ANKRD44: variants seen among roughly 807,000 people sequenced by gnomAD.
ANKRD44 encodes the protein serine/threonine-protein phosphatase 6 regulatory ankyrin repeat subunit B.
A neutral mutation model predicts 116.0 loss-of-function variants in ANKRD44; 35 were observed. The observed-to-expected ratio is 0.30, with a 90% confidence interval of 0.23 to 0.40. The LOEUF (loss-of-function observed/expected upper bound fraction) is 0.40, where lower values mean the gene tolerates loss of function less well. ANKRD44 is among the 10% of genes least tolerant of loss of function. The pLI, the probability that ANKRD44 is intolerant of heterozygous loss-of-function variation, is 1.00. For synonymous variants in ANKRD44, 435 were observed against 461.8 expected, an observed-to-expected ratio of 0.94 and a Z score of 0.74; for missense variants, 1,014 against 1,242.6, an observed-to-expected ratio of 0.82 and a Z score of 2.77.
At chr2:197,112,736 GA>G (rs202097693) in intron 8 of ANKRD44, among the ~76,000 whole-genome samples, 5,591 of 147,700 alleles carry the variant, frequency 0.038, 345 homozygotes, top group African/African-American at 0.12. Flanking sequence ...AAAAAGAAAA[GA>G]AAAAAAAAGA....
At chr2:197,155,868 A>G (rs978859504) in intron 2 of ANKRD44, among the ~76,000 whole-genome samples, 2 of 152,348 alleles carry the variant, frequency 1.3e-5, no homozygotes, top group East Asian at 3.9e-4. Flanking sequence ...TGGTAAGAGA[A>G]TGAAGATAAG....
At chr2:197,257,263 T>C (rs1423334271) in intron 1 of ANKRD44, among the ~76,000 whole-genome samples, 2 of 152,210 alleles carry the variant, frequency 1.3e-5, no homozygotes, top group Admixed American at 6.5e-5. Flanking sequence ...GTGAGTACCA[T>C]GTAGACCCAC....
At chr2:197,099,698 T>C in intron 10 of ANKRD44, 118 bp downstream of exon 10, 1 of 1,432,038 alleles carries the variant, frequency 7.0e-7, no homozygotes. Context: ...GTATTTAGTA[T>C]AATGGTATAG....
At chr2:197,129,804 T>C (rs1188923135) in intron 4 of ANKRD44, among the ~76,000 whole-genome samples, 4 of 152,252 alleles carry the variant, frequency 2.6e-5, no homozygotes, top group Non-Finnish European at 5.9e-5. Flanking sequence ...GTTTCTTTAC[T>C]CTCAAATGTG....
chr2:197,048,060 T>C (rs926124185), intron 16 of ANKRD44, among the ~76,000 whole-genome samples: 2 of 152,226 alleles, frequency 1.3e-5, no homozygotes, highest in African/African-American at 2.4e-5. Context: ...TTGAGACTCC[T>C]TTAATAACTT....
chr2:197,120,342 T>C (rs1397052233), intron 8 of ANKRD44, among the ~76,000 whole-genome samples: 1 of 152,154 alleles, frequency 6.6e-6, no homozygotes, highest in Non-Finnish European at 1.5e-5. Flanking sequence ...GAAGCCACTA[T>C]CTGGGGTTTG....
chr2:196,996,184 C>G (rs2076008523), intron 25 of ANKRD44, among the ~76,000 whole-genome samples: 1 of 152,244 alleles, frequency 6.6e-6, no homozygotes, highest in Non-Finnish European at 1.5e-5. Flanking sequence ...TGCTGAATCT[C>G]AAGCTCTGCC....
At chr2:197,158,100 C>T (rs1359594191) in intron 2 of ANKRD44, among the ~76,000 whole-genome samples, 1 of 152,186 alleles carries the variant, frequency 6.6e-6, no homozygotes, top group Non-Finnish European at 1.5e-5. Flanking sequence ...AGACGCTGTG[C>T]TTTGGTGCCA....
At chr2:197,261,648 CCT>C (rs1050221266) in intron 1 of ANKRD44, among the ~76,000 whole-genome samples, 3 of 151,894 alleles carry the variant, frequency 2.0e-5, no homozygotes, top group Admixed American at 2.0e-4. Flanking sequence ...CTGTACACAC[CCT>C]GTCTTCTTCC....
At chr2:197,276,988 C>T (rs895149337) in intron 1 of ANKRD44, among the ~76,000 whole-genome samples, 2 of 149,682 alleles carry the variant, frequency 1.3e-5, no homozygotes, top group Non-Finnish European at 3.0e-5. Context: ...AGTACAGCGG[C>T]GCAATCTCGG....
chr2:197,172,384 C>A (rs1008599230), intron 2 of ANKRD44, among the ~76,000 whole-genome samples: 13 of 152,288 alleles, frequency 8.5e-5, no homozygotes, highest in South Asian at 2.1e-4. Context: ...ACCACCAAAT[C>A]CCCCTACCCA....
intron 1 of ANKRD44, among the ~76,000 whole-genome samples, chr2:197,235,354 C>T (rs535122061): frequency 1.8e-4 from 28 of 152,262 alleles, no homozygotes; most frequent in Admixed American, 3.9e-4. Context: ...CGGTGGCTCA[C>T]GCCTGTAATA....
At chr2:197,002,822 T>C (rs1170577635) in intron 21 of ANKRD44, among the ~76,000 whole-genome samples, 1 of 152,222 alleles carries the variant, frequency 6.6e-6, no homozygotes, top group Non-Finnish European at 1.5e-5. Flanking sequence ...CAACACAGAT[T>C]GTCCTGAAAC....
intron 1 of ANKRD44, among the ~76,000 whole-genome samples, chr2:197,228,379 C>T (rs1419567824): frequency 6.6e-6 from 1 of 152,210 alleles, no homozygotes; most frequent in East Asian, 1.9e-4. Context: ...ACCTGAGTCA[C>T]GAGCTCTCCC....
intron 21 of ANKRD44, among the ~76,000 whole-genome samples, chr2:197,003,724 G>A (rs1328647181): frequency 2.6e-5 from 4 of 152,028 alleles, no homozygotes; most frequent in Admixed American, 6.6e-5. Flanking sequence ...TCAGGTTTGC[G>A]GCCCGCCATT....
chr2:197,050,757 T>C (rs1191646733), intron 16 of ANKRD44, among the ~76,000 whole-genome samples: 1 of 152,046 alleles, frequency 6.6e-6, no homozygotes, highest in African/African-American at 2.4e-5. Flanking sequence ...CAATCAAAAC[T>C]TTCCCCCTCA....
In ANKRD44 at chr2:196,996,458, C is replaced by T. The variant is rs139654738; in HGVS notation, c.2749-997G>A. On this transcript the variant is annotated intron_variant, in intron 25 of 27. Coordinates refer to ENST00000282272, the MANE Select transcript of ANKRD44 (RefSeq NM_001195144.2). ...ATTTTAACTACATTGAAATAAATCA[C>T]CGCCATGGGTGCCAACTGGCTTCAT... is the stretch of plus-strand genomic sequence containing the variant. Among the ~76,000 whole-genome samples the T allele has an allele frequency of 3.2e-3, 493 of 152,290 alleles. 1 individual carries two copies. The highest frequency in any genetic ancestry group is 0.012 in the South Asian group (58 of 4,824).
At chr2:197,279,822 C>A (rs2083211289) in intron 1 of ANKRD44, among the ~76,000 whole-genome samples, 2 of 152,182 alleles carry the variant, frequency 1.3e-5, no homozygotes, top group Non-Finnish European at 1.5e-5. Context: ...GACCGCCCTG[C>A]ATTGGGATTG....
At chr2:197,066,193 T>A (rs914461475) in intron 16 of ANKRD44, among the ~76,000 whole-genome samples, 1 of 152,166 alleles carries the variant, frequency 6.6e-6, no homozygotes, top group Non-Finnish European at 1.5e-5. Context: ...AAAAACCACA[T>A]GATTATCTCA....
Sources: allele counts gnomAD v4.1 joint callset (sites outside exome capture counted in the v4.1 genomes callset), GRCh38; gene constraint gnomAD v4.1.1; transcripts MANE v1.5; gene names NCBI Gene and HGNC (gene_info 2026-07-23, HGNC 2026-07-21).